Variants in SETD7 observed in about 807,000 individuals in gnomAD.
SETD7 encodes the protein SET domain containing 7, histone lysine methyltransferase.
In SETD7, 16 loss-of-function variants were observed where a neutral mutation model predicts 41.8. The observed-to-expected ratio is 0.38, with a 90% confidence interval of 0.26 to 0.58. The LOEUF is 0.58. Ranked by LOEUF, SETD7 falls within the 20% of genes least tolerant of loss-of-function variation. The pLI, the probability that SETD7 is intolerant of heterozygous loss-of-function variation, is 0.64. For missense variants in SETD7, 346 were observed against 459.7 expected (o/e 0.75, Z 2.26); for synonymous variants, 163 against 169.7 (o/e 0.96, Z 0.31).
At chr4:139,497,348 G>C (rs977775531) in intron 7 of SETD7, among the ~76,000 whole-genome samples, 1 of 151,708 alleles carries the variant, frequency 6.6e-6, no homozygotes, top group Non-Finnish European at 1.5e-5. Context: ...CCAGCTACTC[G>C]GGAGGCTGAG....
intron 5 of SETD7, among the ~76,000 whole-genome samples, chr4:139,522,742 T>A (rs1727215168): frequency 1.5e-3 from 2 of 1,350 alleles, no homozygotes; most frequent in Non-Finnish European, 2.9e-3. Flanking sequence ...CCAGCTGCTC[T>A]TTTTTTTTTT....
At chr4:139,544,925 T>A (rs980759177) in intron 2 of SETD7, among the ~76,000 whole-genome samples, 1 of 151,922 alleles carries the variant, frequency 6.6e-6, no homozygotes, top group African/African-American at 2.4e-5. Context: ...CTTTTTAGTA[T>A]CAAATTAAGA....
At position 139,517,884 on chromosome 4, in the gene SETD7, C is replaced by T; in HGVS notation, c.920+1G>A. On this transcript the variant is annotated splice_donor_variant, in intron 7 of 7. Transcript: ENST00000274031. LOFTEE classifies it high-confidence loss of function. ...CCCCAGCAGCTCTGGGTAATACTTACATATCGTAGATGCAGTTTGGAGTGA... is the reference window on the plus strand; with the variant it reads ...CCCCAGCAGCTCTGGGTAATACTTATATATCGTAGATGCAGTTTGGAGTGA... 1 of 1,612,644 alleles carries T rather than the reference C, an allele frequency of 6.2e-7. No individual in the cohort carries two copies. Among genetic ancestry groups the T allele is most frequent in the Non-Finnish European group, 8.5e-7 (1 of 1,179,216 alleles).
exon 8 of SETD7, chr4:139,496,033 C>G (rs12501676): frequency 5.1e-6 from 1 of 198,006 alleles, no homozygotes; most frequent in Admixed American, 5.7e-5. Context: ...AGCTGAAATC[C>G]TTATCCACAT....
intron 1 of SETD7, 51 bp downstream of exon 1, chr4:139,556,047 C>T (rs1209880732): frequency 1.3e-6 from 2 of 1,528,412 alleles, no homozygotes; most frequent in Non-Finnish European, 1.8e-6. Context: ...ACTCCTTCCG[C>T]GCTCCAGGCC....
chr4:139,546,148 T>C (rs2111171172), intron 2 of SETD7: 1 of 152,650 alleles, frequency 6.6e-6, no homozygotes, highest in South Asian at 2.1e-4. Context: ...AGAAATCCTG[T>C]TGTGAAAAAT....
chr4:139,533,364 G>T lies in SETD7; in HGVS notation c.173C>A (p.Thr58Asn). The T allele has an allele frequency of 6.2e-7, 1 of 1,613,000 alleles. No homozygotes were observed. The highest frequency in any genetic ancestry group is 1.1e-5 in the South Asian group (1 of 90,860). ...ATCATCCACATAATACCCCTCCAGG[G>T]TGCTGTGAGGAAAGGAAAAACAAAA... ...RGKFFFFDGS[T>N]LEGYYVDDAL... Residue 58 changes from threonine to asparagine, a missense_variant and splice_region_variant, in exon 3 of 8, where the codon ACC (threonine) becomes AAC (asparagine). Coordinates refer to ENST00000274031, the MANE Select transcript of SETD7 (RefSeq NM_030648.4).
intron 4 of SETD7, 77 bp from the exon 5 acceptor site, chr4:139,523,512 GA>G (rs1413758707): frequency 5.6e-6 from 6 of 1,062,214 alleles, no homozygotes; most frequent in Non-Finnish European, 8.4e-6. Flanking sequence ...CTATTCATGG[GA>G]CAACGAAGAG....
At chr4:139,496,290 C>A (rs1266515992) in exon 8 of SETD7, 2 of 668,240 alleles carry the variant, frequency 3.0e-6, no homozygotes, top group Non-Finnish European at 5.4e-6. Flanking sequence ...TTGAGGGAAG[C>A]CTATGTTCTG....
chr4:139,544,590 C>T (rs911466747), intron 2 of SETD7, among the ~76,000 whole-genome samples: 1 of 152,150 alleles, frequency 6.6e-6, no homozygotes, highest in Non-Finnish European at 1.5e-5. Context: ...CTATCTTACC[C>T]TAGGGCTGAG....
intron 7 of SETD7, among the ~76,000 whole-genome samples, chr4:139,496,931 A>T (rs200219328): frequency 9.6e-6 from 1 of 104,524 alleles, no homozygotes; most frequent in African/African-American, 3.3e-5. Flanking sequence ...AATTCTGATA[A>T]AGAAATTTCA....
In SETD7 at chr4:139,514,794, TTATC is replaced by T. The variant is rs202102408; in HGVS notation, c.921-2955_921-2952del. ...TACAGGTTGTCTAGGAAAGCAGCTC[TTATC>T]TATTTGTCCATTTGGCATTTTGTAC... On this transcript the variant is annotated intron_variant, in intron 7 of 7. Transcript: ENST00000274031. 6.0e-3 allele frequency among the ~76,000 whole-genome samples: 920 copies of T among 152,358 alleles called. 8 individuals carry two copies. Among genetic ancestry groups the T allele is most frequent in the African/African-American group, 0.021 (859 of 41,594 alleles).
In SETD7 at chr4:139,555,674, A is replaced by T. The variant is rs1355338835; in HGVS notation, c.40+424T>A. Among the ~76,000 whole-genome samples the T allele has an allele frequency of 6.6e-6, 1 of 151,752 alleles. No individual in the cohort carries two copies. Among genetic ancestry groups the T allele is most frequent in the Non-Finnish European group, 1.5e-5 (1 of 67,914 alleles). ...CAGAAGGGAAGGGCTGGCGGCCGGG[A>T]GGGGATCGGGGTGGCCAAAACTGGG... On this transcript the variant is annotated intron_variant, in intron 1 of 7. Transcript: ENST00000274031. The surrounding 1 kb of genome is among the most constrained non-coding windows in gnomAD (Gnocchi z 4.0).
intron 2 of SETD7, among the ~76,000 whole-genome samples, chr4:139,538,496 A>C (rs1045122145): frequency 1.3e-5 from 2 of 151,990 alleles, no homozygotes; most frequent in Non-Finnish European, 2.9e-5. Flanking sequence ...AACCTGGTTA[A>C]TGTTTGTATT....
At chr4:139,541,513 T>G (rs1727777282) in intron 2 of SETD7, among the ~76,000 whole-genome samples, 1 of 152,216 alleles carries the variant, frequency 6.6e-6, no homozygotes, top group African/African-American at 2.4e-5. Context: ...GTCACCACGC[T>G]GCATCAATTC....
At chr4:139,552,155 GAA>G (rs780330436) in intron 1 of SETD7, among the ~76,000 whole-genome samples, 1 of 152,144 alleles carries the variant, frequency 6.6e-6, no homozygotes, top group Non-Finnish European at 1.5e-5. Context: ...GGCCCACACA[GAA>G]AGGGTGCTAC....
intron 2 of SETD7, among the ~76,000 whole-genome samples, chr4:139,541,924 G>A (rs938700748): frequency 9.9e-5 from 15 of 152,166 alleles, no homozygotes; most frequent in Non-Finnish European, 2.9e-5. Context: ...ATATGCTGAA[G>A]AGGTATGTGC....
At chr4:139,504,335 C>T (rs938349961), downstream of SETD7, among the ~76,000 whole-genome samples, 6 of 152,184 alleles carry the variant, frequency 3.9e-5, no homozygotes, top group Non-Finnish European at 8.8e-5. Flanking sequence ...ACACATTTAT[C>T]GAGCAAACCA....
intron 1 of SETD7, among the ~76,000 whole-genome samples, chr4:139,549,469 T>C (rs968612975): frequency 1.3e-5 from 2 of 149,762 alleles, no homozygotes; most frequent in African/African-American, 4.9e-5. Context: ...CTGATCCCAG[T>C]TGAGATGACA....
Sources: gnomAD v4.1 joint callset for allele counts (sites outside exome capture counted in the v4.1 genomes callset) on GRCh38, gnomAD v4.1.1 for gene constraint, Gnocchi (gnomAD v3.1) non-coding constraint, MANE v1.5 for transcripts, NCBI Gene and HGNC (gene_info 2026-07-23, HGNC 2026-07-21) for gene names.